Variants in ARL15 observed in about 807,000 individuals in gnomAD.
ARL15 encodes ARF like GTPase 15.
ARL15 carries 19 observed loss-of-function variants against 25.2 expected under a neutral mutation model. The ratio of observed to expected loss-of-function variants is 0.75; its 90% CI spans 0.53 to 1.10. The LOEUF (loss-of-function observed/expected upper bound fraction) is 1.10. Among genes scored for constraint, ARL15 ranks in the 50% least tolerant of loss-of-function variants. ARL15 has a pLI of 0.00. For synonymous variants in ARL15, 94 were observed against 86.8 expected (o/e 1.08, Z -0.46); for missense variants, 220 against 246.0 (o/e 0.89, Z 0.71).
At chr5:54,237,629 G>T (rs554372275) in intron 1 of ARL15, among the ~76,000 whole-genome samples, 4 of 152,106 alleles carry the variant, frequency 2.6e-5, no homozygotes, top group African/African-American at 9.7e-5. Context: ...CAGTAAAAAC[G>T]CATCAAGAAT....
chr5:54,074,892 C>G (rs543981987), intron 4 of ARL15, among the ~76,000 whole-genome samples: 1 of 151,150 alleles, frequency 6.6e-6, no homozygotes, highest in African/African-American at 2.4e-5. Flanking sequence ...TTCACTTCCC[C>G]AGGTCTCAGT....
At chr5:54,230,198 T>G (rs1459938177) in intron 1 of ARL15, among the ~76,000 whole-genome samples, 3 of 151,464 alleles carry the variant, frequency 2.0e-5, no homozygotes, top group Admixed American at 6.6e-5. Context: ...AATACAAAAA[T>G]TAGCTGGGCA....
chr5:54,246,712 T>C (rs1355359617), intron 1 of ARL15, among the ~76,000 whole-genome samples: 2 of 152,068 alleles, frequency 1.3e-5, no homozygotes, highest in Non-Finnish European at 2.9e-5. Flanking sequence ...GTAACTTTTC[T>C]TTTATTCACA....
At chr5:54,081,135 G>GCACA (rs1751786158) in intron 4 of ARL15, among the ~76,000 whole-genome samples, 3 of 152,232 alleles carry the variant, frequency 2.0e-5, no homozygotes, top group Middle Eastern at 6.8e-3. Flanking sequence ...TGGGGGAAGG[G>GCACA]CACAAGTTGG....
intron 3 of ARL15, among the ~76,000 whole-genome samples, chr5:54,127,792 A>C (rs1465197290): frequency 2.0e-5 from 3 of 151,648 alleles, no homozygotes; most frequent in Non-Finnish European, 4.4e-5. Context: ...CAGTAACCAA[A>C]ACAGCATGGT....
At chr5:53,979,378 T>A (rs1410571827) in intron 4 of ARL15, among the ~76,000 whole-genome samples, 2 of 151,380 alleles carry the variant, frequency 1.3e-5, no homozygotes, top group Non-Finnish European at 2.9e-5. Context: ...ACAAAAAAAA[T>A]AAACAAAAAA....
At position 54,272,383 on chromosome 5, in the gene ARL15, A is replaced by G. The variant is rs560947811; in HGVS notation, c.48+38049T>C. On this transcript the variant is annotated intron_variant, in intron 1 of 4. Transcript: ENST00000504924. ...TTATTCTTCCTATCAAGAAAAAAGT[A>G]CTAGTTCTGAGGATAAAACACTACA... Among the ~76,000 whole-genome samples the G allele has an allele frequency of 2.6e-5, 4 of 152,228 alleles. No individual in the cohort carries two copies. In the South Asian group the frequency reaches 8.3e-4, roughly 32 times the overall value.
chr5:54,107,257 T>C (rs926976535), intron 4 of ARL15, among the ~76,000 whole-genome samples: 3 of 152,024 alleles, frequency 2.0e-5, no homozygotes, highest in African/African-American at 7.3e-5. Context: ...CCACAACACG[T>C]GAGAATTCTG....
At chr5:54,208,600 C>T (rs934286093) in intron 1 of ARL15, among the ~76,000 whole-genome samples, 19 of 152,146 alleles carry the variant, frequency 1.2e-4, no homozygotes, top group African/African-American at 4.1e-4. Flanking sequence ...AAATAAATGG[C>T]ATCATGACTT....
chr5:54,076,625 T>TAA (rs144601207), intron 4 of ARL15, among the ~76,000 whole-genome samples: 17 of 151,758 alleles, frequency 1.1e-4, no homozygotes, highest in Non-Finnish European at 2.2e-4. Context: ...AAGAATCCTG[T>TAA]AAAAAAATCA....
intron 1 of ARL15, among the ~76,000 whole-genome samples, chr5:54,272,358 T>G (rs1414752692): frequency 2.0e-5 from 3 of 152,040 alleles, no homozygotes; most frequent in Non-Finnish European, 4.4e-5. Flanking sequence ...ACAAAACAAA[T>G]TATTCTTCCT....
chr5:54,276,141 T>C (rs919521526), intron 1 of ARL15, among the ~76,000 whole-genome samples: 1 of 152,168 alleles, frequency 6.6e-6, no homozygotes, highest in Non-Finnish European at 1.5e-5. Context: ...AACACCTTAA[T>C]TCATTTCCAC....
At position 53,886,278 on chromosome 5, in the gene ARL15, A is replaced by T. The variant is rs527801434; in HGVS notation, c.*283T>A. 562 of 316,964 alleles carry T rather than the reference A, an allele frequency of 1.8e-3. 4 individuals are homozygous for T. In the Middle Eastern group the frequency reaches 0.021, roughly 12 times the overall value. The allele number at this position is 316,964 out of a possible 1,614,324, so 19.6% of individuals were successfully genotyped here. ...TTCCATCCGTTTCAGCACAGAGTAT[A>T]GAAGAGATGCTTAGAACAACAGAAG... On this transcript the variant is annotated 3_prime_UTR_variant, in exon 5 of 5. Coordinates refer to ENST00000504924, the MANE Select transcript of ARL15 (RefSeq NM_019087.3).
chr5:54,248,151 A>G (rs1043296055), intron 1 of ARL15, among the ~76,000 whole-genome samples: 7 of 152,282 alleles, frequency 4.6e-5, no homozygotes, highest in Admixed American at 4.6e-4. Flanking sequence ...CCCCAAATGT[A>G]TATGTTGAAG....
intron 4 of ARL15, among the ~76,000 whole-genome samples, chr5:54,044,801 A>G (rs1166349438): frequency 6.6e-6 from 1 of 152,208 alleles, no homozygotes; most frequent in African/African-American, 2.4e-5. Flanking sequence ...ACATTAGATG[A>G]TATCACATAA....
At position 54,078,005 on chromosome 5, in the gene ARL15, A is replaced by T. The variant is rs1174436353; in HGVS notation, c.462+35197T>A. Among the ~76,000 whole-genome samples the T allele has an allele frequency of 2.0e-5, 3 of 152,238 alleles. No homozygotes were observed. The East Asian group carries it at 5.8e-4, about 29-fold the overall frequency. ...AGTTATGCTAATTTGATTACAATAA[A>T]TTTAAGTAAATTCTAAAGTAATTAT... On this transcript the variant is annotated intron_variant, in intron 4 of 4. Transcript: ENST00000504924.
intron 4 of ARL15, among the ~76,000 whole-genome samples, chr5:53,981,935 A>C (rs1054659459): frequency 6.6e-6 from 1 of 151,944 alleles, no homozygotes; most frequent in Admixed American, 6.6e-5. Context: ...ATAATGGAAG[A>C]TTTTCAAAGC....
intron 4 of ARL15, among the ~76,000 whole-genome samples, chr5:54,082,432 C>A (rs964429131): frequency 6.6e-6 from 1 of 151,720 alleles, no homozygotes; most frequent in Admixed American, 6.6e-5. Flanking sequence ...GAAGTTTTAC[C>A]CTTTCAAAAA....
intron 1 of ARL15, among the ~76,000 whole-genome samples, chr5:54,263,938 C>T (rs1757560361): frequency 6.6e-6 from 1 of 152,046 alleles, no homozygotes; most frequent in African/African-American, 2.4e-5. Context: ...TTCTTCTGAC[C>T]ACCAAATTGT....
Sources: allele counts gnomAD v4.1 joint callset (sites outside exome capture counted in the v4.1 genomes callset), GRCh38; gene constraint gnomAD v4.1.1; transcripts MANE v1.5; gene names NCBI Gene and HGNC (gene_info 2026-07-23, HGNC 2026-07-21).